Variants in GSK3B observed in about 807,000 individuals in gnomAD.
The protein encoded by GSK3B is glycogen synthase kinase 3 beta.
In GSK3B, 15 loss-of-function variants were observed where a neutral mutation model predicts 56.4. The ratio of observed to expected loss-of-function variants is 0.27; its 90% confidence interval spans 0.18 to 0.41. The LOEUF is 0.41. GSK3B is among the 10% of genes least tolerant of loss of function. The probability of loss-of-function intolerance (pLI) is 1.00; values close to 1 mark genes in which losing one functional copy is unlikely to be tolerated. For synonymous variants in GSK3B, 181 were observed against 188.9 expected (o/e 0.96, Z 0.34); for missense variants, 300 against 513.4 (o/e 0.58, Z 4.02).
intron 2 of GSK3B, among the ~76,000 whole-genome samples, chr3:119,988,711 T>A (rs1333218484): frequency 6.6e-6 from 1 of 152,142 alleles, no homozygotes. Flanking sequence ...TCATAGATAT[T>A]TGATAGTACA....
chr3:120,046,250 A>C (rs2058101838), intron 1 of GSK3B, among the ~76,000 whole-genome samples: 1 of 152,338 alleles, frequency 6.6e-6, no homozygotes, highest in East Asian at 1.9e-4. Context: ...GTGGGCCCTA[A>C]TGGAAATTAT....
chr3:120,067,819 C>CA (rs1261684878), intron 1 of GSK3B, among the ~76,000 whole-genome samples: 1 of 151,968 alleles, frequency 6.6e-6, no homozygotes, highest in East Asian at 1.9e-4. Flanking sequence ...AAGAGCTAAA[C>CA]AAAAAATATT....
chr3:120,010,238 T>G (rs2107496555), intron 1 of GSK3B, among the ~76,000 whole-genome samples: 1 of 152,262 alleles, frequency 6.6e-6, no homozygotes, highest in South Asian at 2.1e-4. Context: ...AGTTCTAAAT[T>G]ATCATGCCCC....
chr3:119,938,763 T>C lies in GSK3B; in HGVS notation c.366+8505A>G, dbSNP rs59890455. On this transcript the variant is annotated intron_variant, in intron 3 of 10. Coordinates refer to ENST00000264235, the MANE Select transcript of GSK3B (RefSeq NM_001146156.2). ...ATAACACAATCTATAGAAATAGTTA[T>C]TGTAATACCTATAATAAATCTTAAT... 4.3e-3 allele frequency among the ~76,000 whole-genome samples: 650 copies of C among 152,192 alleles called. 2 individuals are homozygous for C. Among genetic ancestry groups the C allele is most frequent in the African/African-American group, 0.015 (610 of 41,556 alleles).
intron 1 of GSK3B, among the ~76,000 whole-genome samples, chr3:120,053,462 T>C (rs2058167178): frequency 6.6e-6 from 1 of 152,248 alleles, no homozygotes; most frequent in Non-Finnish European, 1.5e-5. Context: ...AATTTGGTAA[T>C]GTGGATTTCC....
chr3:120,012,701 A>C (rs1398396527), intron 1 of GSK3B, among the ~76,000 whole-genome samples: 1 of 152,178 alleles, frequency 6.6e-6, no homozygotes, highest in Non-Finnish European at 1.5e-5. Context: ...TTTTTAAGAG[A>C]CAGGGTCGTC....
chr3:119,844,630 G>A (rs1259351883), intron 9 of GSK3B, among the ~76,000 whole-genome samples: 1 of 152,152 alleles, frequency 6.6e-6, no homozygotes, highest in East Asian at 1.9e-4. Context: ...ACTAAACCAA[G>A]AAGAAGTTGA....
In GSK3B at chr3:119,963,938, C is replaced by CTT. The variant is rs2107508431; in HGVS notation, c.283-16588_283-16587insAA. On this transcript the variant is annotated intron_variant, in intron 2 of 10. Coordinates refer to ENST00000264235, the MANE Select transcript of GSK3B (RefSeq NM_001146156.2). Reference sequence around the variant, plus strand: ...CCTTTGAAGAAATCATCAGAGAAAACCTTCTTGACACTGTTCTTGTCAATA... The same window carrying CTT: ...CCTTTGAAGAAATCATCAGAGAAAACTTCTTCTTGACACTGTTCTTGTCAATA... Among the ~76,000 whole-genome samples the CTT allele has an allele frequency of 2.0e-5, 3 of 152,182 alleles. No homozygotes were observed. The South Asian group carries it at 6.2e-4, about 32-fold the overall frequency.
intron 3 of GSK3B, among the ~76,000 whole-genome samples, chr3:119,927,199 C>T (rs2056896663): frequency 6.6e-6 from 1 of 152,114 alleles, no homozygotes; most frequent in African/African-American, 2.4e-5. Flanking sequence ...AAATCATGTA[C>T]ACTGTAAATA....
At chr3:119,959,376 A>G (rs941541003) in intron 2 of GSK3B, among the ~76,000 whole-genome samples, 3 of 152,156 alleles carry the variant, frequency 2.0e-5, no homozygotes, top group South Asian at 4.1e-4. Context: ...TTGACATGTT[A>G]TAAGTAAAAT....
chr3:120,059,084 G>T (rs2058216201), intron 1 of GSK3B, among the ~76,000 whole-genome samples: 1 of 150,130 alleles, frequency 6.7e-6, no homozygotes, highest in Admixed American at 6.7e-5. Context: ...CCTTAAAAAA[G>T]ACATACATAC....
At chr3:120,002,266 T>TC in intron 1 of GSK3B, 27 bp from the exon 2 acceptor site, 1 of 1,399,798 alleles carries the variant, frequency 7.1e-7, no homozygotes, top group Non-Finnish European at 9.6e-7. Context: ...AATTTTTTTT[T>TC]CACGAGAACT....
chr3:119,977,669 T>A (rs145656490), intron 2 of GSK3B, among the ~76,000 whole-genome samples: 56 of 152,316 alleles, frequency 3.7e-4, no homozygotes, highest in African/African-American at 1.3e-3. Flanking sequence ...ATCGGTTTTA[T>A]CAGCAAATAG....
At chr3:120,017,171 G>A (rs1016788233) in intron 1 of GSK3B, among the ~76,000 whole-genome samples, 2 of 152,074 alleles carry the variant, frequency 1.3e-5, no homozygotes, top group East Asian at 1.9e-4. Flanking sequence ...GAATTAGTAC[G>A]CTATACATGG....
intron 1 of GSK3B, among the ~76,000 whole-genome samples, chr3:120,027,733 A>G (rs1348068569): frequency 6.6e-6 from 1 of 152,194 alleles, no homozygotes; most frequent in African/African-American, 2.4e-5. Flanking sequence ...TGTGATCCCA[A>G]TTTTGAAAAC....
In GSK3B at chr3:120,045,743, A is replaced by G. The variant is rs893970003; in HGVS notation, c.89-43504T>C. Reference sequence around the variant, plus strand: ...CTGGTTTCACTTTGCAGCACCAAGCATTTACTTCCAACATGTCTACACAAA... The same window carrying G: ...CTGGTTTCACTTTGCAGCACCAAGCGTTTACTTCCAACATGTCTACACAAA... On this transcript the variant is annotated intron_variant, in intron 1 of 10. Coordinates refer to ENST00000264235, the MANE Select transcript of GSK3B (RefSeq NM_001146156.2). Among the ~76,000 whole-genome samples the G allele has an allele frequency of 2.0e-5, 3 of 152,222 alleles. No individual in the cohort carries two copies. In the East Asian group the frequency reaches 5.8e-4, roughly 29 times the overall value.
At chr3:119,937,491 C>T (rs1487749278) in intron 3 of GSK3B, among the ~76,000 whole-genome samples, 2 of 152,060 alleles carry the variant, frequency 1.3e-5, no homozygotes, top group Non-Finnish European at 2.9e-5. Flanking sequence ...CCACATAAAC[C>T]TCTTTCCTTT....
intron 2 of GSK3B, among the ~76,000 whole-genome samples, chr3:119,972,266 T>C (rs1320452243): frequency 6.6e-6 from 1 of 152,146 alleles, no homozygotes; most frequent in East Asian, 1.9e-4. Context: ...GGCATCATAA[T>C]AAATGAGATT....
At chr3:119,956,414 A>C (rs1448907634) in intron 2 of GSK3B, among the ~76,000 whole-genome samples, 1 of 152,214 alleles carries the variant, frequency 6.6e-6, no homozygotes, top group East Asian at 1.9e-4. Context: ...CTTGGGACCA[A>C]AAGTGTTTCA....
Sources: gnomAD v4.1 joint callset for allele counts (sites outside exome capture counted in the v4.1 genomes callset) on GRCh38, gnomAD v4.1.1 for gene constraint, MANE v1.5 for transcripts, NCBI Gene and HGNC (gene_info 2026-07-23, HGNC 2026-07-21) for gene names.